Variants in ST6GALNAC3 observed in about 807,000 individuals in gnomAD.
The protein encoded by ST6GALNAC3 is ST6 N-acetylgalactosaminide alpha-2,6-sialyltransferase 3, also known as alpha-N-acetylgalactosaminide alpha-2,6-sialyltransferase 3.
ST6GALNAC3 carries 25 observed loss-of-function variants against 32.7 expected under a neutral mutation model. That is an observed-to-expected ratio of 0.76 (90% CI 0.56 to 1.07). The LOEUF is 1.07. ST6GALNAC3 is among the 50% of genes least tolerant of loss of function. The pLI is 0.00. For synonymous variants in ST6GALNAC3, 129 were observed against 133.1 expected (o/e 0.97, Z 0.21); for missense variants, 355 against 382.4 (o/e 0.93, Z 0.60).
At chr1:76,483,552 G>A (rs911834980) in intron 3 of ST6GALNAC3, among the ~76,000 whole-genome samples, 1 of 152,044 alleles carries the variant, frequency 6.6e-6, no homozygotes, top group African/African-American at 2.4e-5. Flanking sequence ...CATATCCTTT[G>A]CCCACTTTTT....
At chr1:76,376,536 G>A (rs1025263177) in intron 2 of ST6GALNAC3, among the ~76,000 whole-genome samples, 9 of 152,086 alleles carry the variant, frequency 5.9e-5, no homozygotes, top group African/African-American at 1.9e-4. Flanking sequence ...TTTTAAGAAC[G>A]TTGTATAAAT....
chr1:76,217,985 C>T (rs1010958295), intron 1 of ST6GALNAC3, among the ~76,000 whole-genome samples: 3 of 151,818 alleles, frequency 2.0e-5, no homozygotes, highest in Admixed American at 1.3e-4. Context: ...CATGCGTGTG[C>T]AATTTTTTTT....
chr1:76,197,468 G>A (rs748840235), intron 1 of ST6GALNAC3, among the ~76,000 whole-genome samples: 3 of 151,268 alleles, frequency 2.0e-5, no homozygotes, highest in Non-Finnish European at 2.9e-5. Flanking sequence ...GGGCTGAAGG[G>A]GGGATCTAAT....
chr1:76,113,325 C>G (rs1406729056), intron 1 of ST6GALNAC3, among the ~76,000 whole-genome samples: 5 of 38,290 alleles, frequency 1.3e-4, no homozygotes. Context: ...AGAGGGAGAC[C>G]GTGGGGAGAC....
intron 1 of ST6GALNAC3, among the ~76,000 whole-genome samples, chr1:76,217,030 T>G (rs1415815190): frequency 1.3e-5 from 2 of 152,232 alleles, no homozygotes; most frequent in East Asian, 3.8e-4. Flanking sequence ...AAATTTAGCC[T>G]TTTAAGATAA....
chr1:76,147,420 A>G (rs1234132536), intron 1 of ST6GALNAC3, among the ~76,000 whole-genome samples: 3 of 152,082 alleles, frequency 2.0e-5, no homozygotes, highest in Admixed American at 6.6e-5. Flanking sequence ...TTGATTGTCT[A>G]TGAAATCAAG....
In ST6GALNAC3 at chr1:76,158,399, C is replaced by T. The variant is rs563828212; in HGVS notation, c.18+83515C>T. On this transcript the variant is annotated intron_variant, in intron 1 of 4. Transcript: ENST00000328299. ...AGCCTAGCGATTTGAAACCCAGAGC[C>T]GGGGCCCTCTGACATGAAGGCACCT... Among the ~76,000 whole-genome samples the T allele has an allele frequency of 5.3e-5, 8 of 152,302 alleles. No individual in the cohort carries two copies. The South Asian group carries it at 1.5e-3, about 28-fold the overall frequency.
intron 3 of ST6GALNAC3, chr1:76,576,961 A>C (rs1432002094): frequency 7.8e-7 from 1 of 1,288,280 alleles, no homozygotes; most frequent in Non-Finnish European, 1.0e-6. Flanking sequence ...AAACAAACAA[A>C]CAAACAAAAC....
intron 1 of ST6GALNAC3, among the ~76,000 whole-genome samples, chr1:76,141,872 A>G (rs1417989287): frequency 6.6e-6 from 1 of 152,200 alleles, no homozygotes; most frequent in East Asian, 1.9e-4. Context: ...TTGAGATTCA[A>G]CCAAGACCCC....
chr1:76,105,287 C>T (rs537657830), intron 1 of ST6GALNAC3, among the ~76,000 whole-genome samples: 3 of 152,324 alleles, frequency 2.0e-5, no homozygotes, highest in African/African-American at 7.2e-5. Flanking sequence ...AACTCACAGC[C>T]ATCCACTTAC....
intron 3 of ST6GALNAC3, among the ~76,000 whole-genome samples, chr1:76,585,185 G>A (rs1415687816): frequency 1.3e-5 from 2 of 152,018 alleles, no homozygotes; most frequent in Non-Finnish European, 2.9e-5. Flanking sequence ...AGGAGTTCGA[G>A]ACCATCCTGG....
At chr1:76,256,159 A>T (rs1056389716) in intron 1 of ST6GALNAC3, among the ~76,000 whole-genome samples, 1 of 152,142 alleles carries the variant, frequency 6.6e-6, no homozygotes, top group Non-Finnish European at 1.5e-5. Flanking sequence ...TCTCTACTTC[A>T]TGTACATCTG....
At chr1:76,121,164 T>G (rs1648847913) in intron 1 of ST6GALNAC3, among the ~76,000 whole-genome samples, 1 of 152,202 alleles carries the variant, frequency 6.6e-6, no homozygotes, top group South Asian at 2.1e-4. Context: ...CAAAGTCCCT[T>G]TGGCATGGAA....
chr1:76,357,667 A>G (rs1649594296), intron 2 of ST6GALNAC3, among the ~76,000 whole-genome samples: 3 of 152,186 alleles, frequency 2.0e-5, no homozygotes, highest in Admixed American at 1.3e-4. Context: ...GTGTGCCTCA[A>G]CATTTCTGTT....
At chr1:76,373,202 A>G (rs1265180845) in intron 2 of ST6GALNAC3, among the ~76,000 whole-genome samples, 1 of 152,138 alleles carries the variant, frequency 6.6e-6, no homozygotes, top group Non-Finnish European at 1.5e-5. Flanking sequence ...CATTTGTTTA[A>G]AGAGCTCAGG....
intron 3 of ST6GALNAC3, among the ~76,000 whole-genome samples, chr1:76,583,787 G>T (rs1459478823): frequency 2.6e-5 from 4 of 152,146 alleles, no homozygotes; most frequent in Non-Finnish European, 5.9e-5. Context: ...GGTAAATTTT[G>T]ATCAGAGAAG....
At chr1:76,559,011 A>T (rs529735137) in intron 3 of ST6GALNAC3, among the ~76,000 whole-genome samples, 2 of 152,160 alleles carry the variant, frequency 1.3e-5, no homozygotes, top group Non-Finnish European at 2.9e-5. Context: ...TACTTCTGAA[A>T]TTATTTTCCT....
At chr1:76,609,864 C>G (rs1647807705) in intron 3 of ST6GALNAC3, among the ~76,000 whole-genome samples, 1 of 152,148 alleles carries the variant, frequency 6.6e-6, no homozygotes, top group South Asian at 2.1e-4. Flanking sequence ...ATATTAATAG[C>G]TTTCCTTGTA....
At chr1:76,620,942 C>T (rs115843412) in intron 3 of ST6GALNAC3, among the ~76,000 whole-genome samples, 4,686 of 152,024 alleles carry the variant, frequency 0.031, 100 homozygotes, top group Middle Eastern at 0.071. Flanking sequence ...ATTAAAAAGG[C>T]GTTAAAGCCT....
Sources: gnomAD v4.1 joint callset for allele counts (sites outside exome capture counted in the v4.1 genomes callset) on GRCh38, gnomAD v4.1.1 for gene constraint, MANE v1.5 for transcripts, NCBI Gene and HGNC (gene_info 2026-07-23, HGNC 2026-07-21) for gene names.